SYNJ2: variants seen among roughly 807,000 people sequenced by gnomAD.
The protein encoded by SYNJ2 is polyphosphatidylinositol phosphatase SYNJ2.
A neutral mutation model predicts 141.3 loss-of-function variants in SYNJ2; 116 were observed. That is an observed-to-expected ratio of 0.82 (90% CI 0.71 to 0.96). The LOEUF is 0.96. Among genes scored for constraint, SYNJ2 ranks in the 40% least tolerant of loss-of-function variants. SYNJ2 has a pLI of 0.00. For synonymous variants in SYNJ2, 745 were observed against 777.7 expected (o/e 0.96, Z 0.70); for missense variants, 1,873 against 1,934.8 (o/e 0.97, Z 0.60).
At position 158,084,258 on chromosome 6, in the gene SYNJ2, A is replaced by G. The variant is rs1782896940; in HGVS notation, c.3208+84A>G. On this transcript the variant is annotated intron_variant, in intron 22 of 26. Coordinates refer to ENST00000355585, the MANE Select transcript of SYNJ2 (RefSeq NM_003898.4). This position sits in a 1 kb window ranked among gnomAD's most constrained non-coding sequence, Gnocchi z 5.0. ...TTCCTTTTTCTCTTGGCGATTGGGC[A>G]CTGTGTGATATCAAGTATGCAGGTC... is the stretch of plus-strand genomic sequence containing the variant. 3 of 1,450,338 alleles carry G rather than the reference A, an allele frequency of 2.1e-6. No individual in the cohort carries two copies. Among genetic ancestry groups the G allele is most frequent in the Non-Finnish European group, 2.8e-6 (3 of 1,068,736 alleles). The allele number at this position is 1,450,338 out of a possible 1,614,324, so 89.8% of individuals were successfully genotyped here. A position where few individuals can be genotyped will look rare whatever the true frequency, so the allele number is the denominator to read the frequency against.
rs375469616 is a variant in SYNJ2, at chr6:158,062,007, T to C, written c.970T>C (p.Ser324Pro). The change falls in exon 8 of 27, where the codon TCT becomes CCT. Residue 324 changes from serine (S) to proline (P), a missense_variant. Coordinates refer to ENST00000355585, the MANE Select transcript of SYNJ2 (RefSeq NM_003898.4). ...CTCTTTTCAGAAGCTGCTCTGGGCT[T>C]CTTGCCACGCGGGCGACACGCCTAT... is the stretch of plus-strand genomic sequence containing the variant. ...NRAFKKLLWA[S>P]CHAGDTPMIN... 6.2e-7 allele frequency: 1 copy of C among 1,613,936 alleles called. No homozygotes were observed. Among genetic ancestry groups the C allele is most frequent in the Admixed American group, 1.7e-5 (1 of 60,016 alleles).
intron 1 of SYNJ2, among the ~76,000 whole-genome samples, chr6:158,004,903 G>A (rs531458043): frequency 1.3e-5 from 2 of 151,972 alleles, no homozygotes; most frequent in African/African-American, 2.4e-5. Flanking sequence ...CAGTGGCCAC[G>A]TCGTTGATCC....
chr6:158,005,226 C>T (rs1001669121), intron 1 of SYNJ2, among the ~76,000 whole-genome samples: 13 of 152,016 alleles, frequency 8.6e-5, no homozygotes, highest in East Asian at 7.7e-4. Flanking sequence ...TACAGGTGCC[C>T]GCAACGACGC....
chr6:158,039,203 G>A (rs1275992974), intron 4 of SYNJ2, among the ~76,000 whole-genome samples: 1 of 152,246 alleles, frequency 6.6e-6, no homozygotes, highest in Non-Finnish European at 1.5e-5. Context: ...CAGTACTGAT[G>A]CTTAGGTTGA....
chr6:158,079,301 C>G (rs568258164), intron 18 of SYNJ2: 3 of 152,082 alleles, frequency 2.0e-5, no homozygotes, highest in African/African-American at 7.2e-5. Context: ...AAGGCTGCTG[C>G]CTAAACTCTC....
intron 1 of SYNJ2, among the ~76,000 whole-genome samples, chr6:157,990,527 T>C (rs1777382718): frequency 6.6e-6 from 1 of 152,188 alleles, no homozygotes; most frequent in African/African-American, 2.4e-5. Context: ...TGAGCAGAAC[T>C]CTGACTCTAA....
intron 15 of SYNJ2, among the ~76,000 whole-genome samples, chr6:158,072,840 C>T (rs1383581008): frequency 3.3e-5 from 5 of 151,838 alleles, no homozygotes; most frequent in Admixed American, 6.6e-5. Flanking sequence ...GAGGCCGAGG[C>T]GGGCAGATCA....
At position 158,076,596 on chromosome 6, in the gene SYNJ2, T is replaced by G. The variant is rs1245235995; in HGVS notation, c.2293-30T>G. 7 of 1,599,332 alleles carry G rather than the reference T, an allele frequency of 4.4e-6. No individual in the cohort carries two copies. The African/African-American group carries it at 9.4e-5, about 22-fold the overall frequency. On this transcript the variant is annotated intron_variant, in intron 16 of 26. Coordinates refer to ENST00000355585, the MANE Select transcript of SYNJ2 (RefSeq NM_003898.4). The stretch of plus-strand genomic sequence containing the variant: ...TAACATTCAGGATCGAAAACTACGG[T>G]GGCCTGATGACTTCTTTTTCTCCCA...
chr6:158,076,545 G>T, intron 16 of SYNJ2, 81 bp from the exon 17 acceptor site: 1 of 1,458,680 alleles, frequency 6.9e-7, no homozygotes, highest in South Asian at 1.3e-5. Context: ...ATAGGGACTT[G>T]CCTTTTCAGT....
At chr6:158,003,401 GA>G (rs1169469237) in intron 1 of SYNJ2, among the ~76,000 whole-genome samples, 1 of 152,172 alleles carries the variant, frequency 6.6e-6, no homozygotes, top group African/African-American at 2.4e-5. Flanking sequence ...CTGTCTTTCT[GA>G]AGAGCTGCTT....
chr6:158,042,096 G>A (rs577642750), intron 4 of SYNJ2, among the ~76,000 whole-genome samples: 30 of 152,296 alleles, frequency 2.0e-4, no homozygotes, highest in Middle Eastern at 6.8e-3. Context: ...CACACACGCC[G>A]GTCAGTTGTA....
intron 2 of SYNJ2, chr6:158,026,861 C>G: frequency 2.0e-6 from 2 of 985,436 alleles, no homozygotes; most frequent in South Asian, 9.4e-5. Context: ...CGCTCTGTGG[C>G]CAAGGCTCTG....
intron 4 of SYNJ2, among the ~76,000 whole-genome samples, chr6:158,042,465 CA>C (rs1256418473): frequency 6.6e-6 from 1 of 152,256 alleles, no homozygotes; most frequent in Non-Finnish European, 1.5e-5. Flanking sequence ...AGGACCACAG[CA>C]GCGCCCAGGC....
At chr6:158,055,708 G>A (rs191895401) in intron 6 of SYNJ2, among the ~76,000 whole-genome samples, 38 of 152,144 alleles carry the variant, frequency 2.5e-4, no homozygotes, top group African/African-American at 7.7e-4. Context: ...AAAAATTCTC[G>A]AAAGTAATGT....
chr6:157,981,451 A>G (rs1385640792), upstream of SYNJ2, among the ~76,000 whole-genome samples: 1 of 152,216 alleles, frequency 6.6e-6, no homozygotes, highest in Non-Finnish European at 1.5e-5. The surrounding 1 kb of genome is among the most constrained non-coding windows in gnomAD (Gnocchi z 6.4). Context: ...CAGGGTCGAA[A>G]GGACTCGTCC....
rs775400242 is a variant in SYNJ2, at chr6:158,064,624, C to T, written c.1233C>T (p.Thr411=). The T allele has an allele frequency of 2.5e-6, 4 of 1,613,970 alleles. No homozygotes were observed. Among genetic ancestry groups the T allele is most frequent in the Admixed American group, 1.7e-5 (1 of 60,026 alleles). The change falls in exon 10 of 27, where the codon ACC becomes ACT. Residue 411 remains threonine, a synonymous_variant. Transcript: ENST00000355585. ...AGGTCCTGCATCTGCAGCTCAAGAC[C>T]CTGGGGCTGAGTTCAAAACCCATCG... ...ALEVLHLQLK[T]LGLSSKPIVD...
At chr6:158,000,469 T>C (rs1406741869) in intron 1 of SYNJ2, among the ~76,000 whole-genome samples, 3 of 152,094 alleles carry the variant, frequency 2.0e-5, no homozygotes, top group African/African-American at 7.2e-5. Flanking sequence ...CAGTAGGCCG[T>C]CTCATAGCCC....
intron 13 of SYNJ2, among the ~76,000 whole-genome samples, chr6:158,069,272 G>A (rs1781761811): frequency 6.6e-6 from 1 of 152,158 alleles, no homozygotes; most frequent in Non-Finnish European, 1.5e-5. Flanking sequence ...AAATAAATAA[G>A]ACTGACTCTG....
chr6:158,088,886 C>T lies in SYNJ2; in HGVS notation c.3456+114C>T, dbSNP rs1032541412. ...GTGTCTTTAACCCTCTACCTGCTCA[C>T]CATCTCATCTCCAAACCCCATAACC... On this transcript the variant is annotated intron_variant, in intron 24 of 26. Transcript: ENST00000355585. The T allele has an allele frequency of 2.4e-5, 18 of 735,774 alleles. No individual in the cohort carries two copies. The African/African-American group carries it at 3.0e-4, about 12-fold the overall frequency. The allele number at this position is 735,774 out of a possible 1,614,324, so 45.6% of individuals were successfully genotyped here. A position where few individuals can be genotyped will look rare whatever the true frequency, so the allele number is the denominator to read the frequency against.
Sources: allele counts gnomAD v4.1 joint callset (sites outside exome capture counted in the v4.1 genomes callset), GRCh38; gene constraint gnomAD v4.1.1; non-coding constraint Gnocchi (gnomAD v3.1); transcripts MANE v1.5; gene names NCBI Gene and HGNC (gene_info 2026-07-23, HGNC 2026-07-21).